CDH7: variants seen among roughly 807,000 people sequenced by gnomAD.
CDH7 encodes the protein cadherin 7, also known as cadherin-7.
A neutral mutation model predicts 71.8 loss-of-function variants in CDH7; 25 were observed. The observed-to-expected ratio is 0.35, with a 90% confidence interval of 0.25 to 0.49. CDH7 has a LOEUF of 0.49. CDH7 is among the 20% of genes least tolerant of loss of function. CDH7 has a pLI of 0.99. For synonymous variants in CDH7, 381 were observed against 363.8 expected (o/e 1.05, Z -0.54); for missense variants, 862 against 974.6 (o/e 0.88, Z 1.54).
intron 2 of CDH7, among the ~76,000 whole-genome samples, chr18:65,774,203 T>C (rs1916630853): frequency 6.6e-6 from 1 of 151,978 alleles, no homozygotes; most frequent in Non-Finnish European, 1.5e-5. Flanking sequence ...ATTATTACTG[T>C]TATTAATATT....
chr18:65,877,434 ATAAT>A (rs1429325744), intron 11 of CDH7, among the ~76,000 whole-genome samples: 4 of 152,116 alleles, frequency 2.6e-5, no homozygotes, highest in East Asian at 3.8e-4. Flanking sequence ...AAAATTTATT[ATAAT>A]TAAAGAATTT....
At chr18:65,869,916 G>C (rs1913878413) in intron 11 of CDH7, among the ~76,000 whole-genome samples, 1 of 151,990 alleles carries the variant, frequency 6.6e-6, no homozygotes, top group South Asian at 2.1e-4. Context: ...ATCTCCATTA[G>C]ACCCTATTTT....
intron 2 of CDH7, among the ~76,000 whole-genome samples, chr18:65,777,311 C>G (rs577582609): frequency 9.1e-4 from 138 of 152,092 alleles, no homozygotes; most frequent in Non-Finnish European, 1.6e-3. Flanking sequence ...ATGAAAAGTA[C>G]ATGAGTTTTA....
chr18:65,827,015 T>A (rs1184656910), intron 6 of CDH7, among the ~76,000 whole-genome samples: 1 of 151,716 alleles, frequency 6.6e-6, no homozygotes, highest in Non-Finnish European at 1.5e-5. Context: ...GATACAGAGA[T>A]TCCTTACTTC....
intron 1 of CDH7, among the ~76,000 whole-genome samples, chr18:65,762,395 G>T (rs1259461989): frequency 1.3e-5 from 2 of 152,100 alleles, no homozygotes; most frequent in East Asian, 1.9e-4. Context: ...GAAGAAAAGT[G>T]ATATTTTAAA....
chr18:65,811,637 T>C (rs1911538810), intron 3 of CDH7, among the ~76,000 whole-genome samples: 1 of 152,130 alleles, frequency 6.6e-6, no homozygotes. Flanking sequence ...CACATTTTCC[T>C]CCCCAGATTA....
At chr18:65,871,236 T>C (rs1278532599) in intron 11 of CDH7, among the ~76,000 whole-genome samples, 1 of 152,202 alleles carries the variant, frequency 6.6e-6, no homozygotes, top group Non-Finnish European at 1.5e-5. Flanking sequence ...TGACCTATTA[T>C]TGAATAAAGA....
chr18:65,811,203 G>A (rs1911522820), intron 3 of CDH7, among the ~76,000 whole-genome samples: 1 of 147,652 alleles, frequency 6.8e-6, no homozygotes, highest in South Asian at 2.2e-4. Context: ...AAAAAAAAAG[G>A]TCATTTCATT....
chr18:65,889,324 G>C lies in CDH7; in HGVS notation c.*8430G>C, dbSNP rs572281035. ...TATGAAGCTAAACTGTCAACAAACA[G>C]TTCCACTGAAGTTGCCATAGGGACA... On this transcript the variant is annotated 3_prime_UTR_variant, in exon 12 of 12. Coordinates refer to ENST00000397968, the MANE Select transcript of CDH7 (RefSeq NM_004361.5). 1 of 152,330 alleles carries C rather than the reference G, an allele frequency of 6.6e-6. No homozygotes were observed. The highest frequency in any genetic ancestry group is 2.1e-4 in the South Asian group (1 of 4,830). 9.4% of individuals were successfully genotyped at this position (152,330 alleles called of 1,614,324 possible).
intron 8 of CDH7, among the ~76,000 whole-genome samples, chr18:65,858,351 TAATA>T (rs1297578720): frequency 6.6e-6 from 1 of 151,854 alleles, no homozygotes; most frequent in African/African-American, 2.4e-5. Flanking sequence ...AAAGATAAAA[TAATA>T]AATAAAATAA....
chr18:65,850,712 A>C (rs2144010653), intron 7 of CDH7, among the ~76,000 whole-genome samples: 1 of 151,936 alleles, frequency 6.6e-6, no homozygotes, highest in Admixed American at 6.6e-5. Context: ...AAAGTATAAA[A>C]CCCTAAAGGA....
intron 7 of CDH7, among the ~76,000 whole-genome samples, chr18:65,853,924 T>TATATATATATATATCC (rs1913245148): frequency 4.7e-5 from 4 of 84,718 alleles, no homozygotes; most frequent in African/African-American, 1.8e-4. Context: ...TATATATATA[T>TATATATATATATATCC]ATATATATAT....
At chr18:65,755,559 G>A (rs764496304) in intron 1 of CDH7, among the ~76,000 whole-genome samples, 9 of 152,166 alleles carry the variant, frequency 5.9e-5, no homozygotes, top group Non-Finnish European at 1.3e-4. Context: ...GAAATGAAGT[G>A]TGGCTTCAGC....
At chr18:65,830,061 TC>T (rs1170912007) in intron 6 of CDH7, among the ~76,000 whole-genome samples, 1 of 152,100 alleles carries the variant, frequency 6.6e-6, no homozygotes, top group Non-Finnish European at 1.5e-5. Context: ...AATGTTTTTC[TC>T]AGGTAGACAA....
chr18:65,817,091 A>G (rs1568201140), intron 4 of CDH7, among the ~76,000 whole-genome samples: 1 of 152,174 alleles, frequency 6.6e-6, no homozygotes, highest in Non-Finnish European at 1.5e-5. Context: ...AACTGAGTAC[A>G]GGGTCGGAAT....
intron 2 of CDH7, among the ~76,000 whole-genome samples, chr18:65,777,900 A>G (rs753102905): frequency 6.6e-6 from 1 of 152,136 alleles, no homozygotes; most frequent in Non-Finnish European, 1.5e-5. Context: ...CAGGGGCTAA[A>G]TGAGTTTTCC....
At chr18:65,770,756 T>C (rs571027942) in intron 2 of CDH7, among the ~76,000 whole-genome samples, 24 of 152,316 alleles carry the variant, frequency 1.6e-4, no homozygotes, top group Admixed American at 5.2e-4. Context: ...GAAGTCTACA[T>C]TGAATAATTA....
chr18:65,856,731 G>C (rs754088291), intron 7 of CDH7, among the ~76,000 whole-genome samples: 1 of 151,916 alleles, frequency 6.6e-6, no homozygotes, highest in African/African-American at 2.4e-5. Flanking sequence ...TCATTTGTTC[G>C]TTTAATTGTT....
intron 2 of CDH7, among the ~76,000 whole-genome samples, chr18:65,792,984 A>C (rs184894449): frequency 6.6e-6 from 1 of 152,046 alleles, no homozygotes; most frequent in East Asian, 1.9e-4. Flanking sequence ...TTGATGCTGT[A>C]CTCCGTGGAG....
Sources: allele counts gnomAD v4.1 joint callset (sites outside exome capture counted in the v4.1 genomes callset), GRCh38; gene constraint gnomAD v4.1.1; transcripts MANE v1.5; gene names NCBI Gene and HGNC (gene_info 2026-07-23, HGNC 2026-07-21).